The following ST6GALNAC3 variants were observed in gnomAD, a reference collection of about 807,000 sequenced individuals.
ST6GALNAC3 encodes ST6 N-acetylgalactosaminide alpha-2,6-sialyltransferase 3.
A neutral mutation model predicts 32.7 loss-of-function variants in ST6GALNAC3; 25 were observed. The ratio of observed to expected loss-of-function variants is 0.76; its 90% confidence interval spans 0.56 to 1.07. The LOEUF (loss-of-function observed/expected upper bound fraction) is 1.07. Among genes scored for constraint, ST6GALNAC3 ranks in the 50% least tolerant of loss-of-function variants. The pLI, the probability that ST6GALNAC3 is intolerant of heterozygous loss-of-function variation, is 0.00. For synonymous variants in ST6GALNAC3, 129 were observed against 133.1 expected, an observed-to-expected ratio of 0.97 and a Z score of 0.21; for missense variants, 355 against 382.4, an observed-to-expected ratio of 0.93 and a Z score of 0.60.
chr1:76,135,718 G>GTGACA (rs1420438679), intron 1 of ST6GALNAC3, among the ~76,000 whole-genome samples: 1 of 152,170 alleles, frequency 6.6e-6, no homozygotes, highest in Non-Finnish European at 1.5e-5. Flanking sequence ...CCCAAGATAG[G>GTGACA]ATTTCTCCTT....
At chr1:76,371,732 G>A (rs998910940) in intron 2 of ST6GALNAC3, among the ~76,000 whole-genome samples, 1 of 152,190 alleles carries the variant, frequency 6.6e-6, no homozygotes, top group Admixed American at 6.5e-5. Flanking sequence ...AAGCAGCAAT[G>A]TGGCCATCCC....
chr1:76,565,777 C>A (rs1358868274), intron 3 of ST6GALNAC3, among the ~76,000 whole-genome samples: 1 of 152,200 alleles, frequency 6.6e-6, no homozygotes, highest in African/African-American at 2.4e-5. Context: ...CCCCCTGCCG[C>A]TGCAGTCCTA....
chr1:76,588,665 C>G (rs1474564215), intron 3 of ST6GALNAC3, among the ~76,000 whole-genome samples: 1 of 152,186 alleles, frequency 6.6e-6, no homozygotes, highest in Non-Finnish European at 1.5e-5. Context: ...ATCACGGGTA[C>G]TAGCAGAAAA....
chr1:76,281,467 G>C (rs1336106909), intron 1 of ST6GALNAC3, among the ~76,000 whole-genome samples: 1 of 152,228 alleles, frequency 6.6e-6, no homozygotes, highest in Non-Finnish European at 1.5e-5. Flanking sequence ...TGGGGAGTGT[G>C]TGGGTAGCTC....
intron 1 of ST6GALNAC3, among the ~76,000 whole-genome samples, chr1:76,120,855 C>T (rs1440191869): frequency 6.6e-6 from 1 of 152,210 alleles, no homozygotes; most frequent in Non-Finnish European, 1.5e-5. Context: ...TATGATTTCA[C>T]ACTTCTGGAG....
rs796479490 is a variant in ST6GALNAC3 at position 76,405,950 on chromosome 1, C to T, written c.214-6058C>T. On this transcript the variant is annotated intron_variant, in intron 2 of 4. Coordinates refer to ENST00000328299, the MANE Select transcript of ST6GALNAC3 (RefSeq NM_152996.4). ...AAGAGTTAAGAATATCTACACTTTC[C>T]CCCCACCCTACAGTATCAGAGAACA... 5.3e-5 allele frequency among the ~76,000 whole-genome samples: 8 copies of T among 151,936 alleles called. 1 individual carries two copies. The highest frequency in any genetic ancestry group is 1.7e-4 in the African/African-American group (7 of 41,468).
chr1:76,626,288 A>C (rs142384857), intron 3 of ST6GALNAC3, among the ~76,000 whole-genome samples: 5 of 152,024 alleles, frequency 3.3e-5, no homozygotes, highest in African/African-American at 1.2e-4. Flanking sequence ...CAAGAAGTCT[A>C]TATGGAAGAT....
intron 1 of ST6GALNAC3, among the ~76,000 whole-genome samples, chr1:76,224,069 A>G (rs1245438324): frequency 6.6e-6 from 1 of 152,134 alleles, no homozygotes; most frequent in Non-Finnish European, 1.5e-5. Flanking sequence ...GACTCACCCC[A>G]CACTGACCTA....
intron 3 of ST6GALNAC3, among the ~76,000 whole-genome samples, chr1:76,416,448 T>C (rs1654630309): frequency 6.6e-6 from 1 of 152,022 alleles, no homozygotes; most frequent in African/African-American, 2.4e-5. Flanking sequence ...ATTTATAGAA[T>C]TAAAAATATG....
chr1:76,115,005 A>G (rs2100818766), intron 1 of ST6GALNAC3, among the ~76,000 whole-genome samples: 1 of 152,238 alleles, frequency 6.6e-6, no homozygotes, highest in South Asian at 2.1e-4. Context: ...TATCATAAAG[A>G]GAGTCCAAAG....
intron 2 of ST6GALNAC3, among the ~76,000 whole-genome samples, chr1:76,332,252 CACTAATCT>C (rs1647201552): frequency 6.6e-6 from 1 of 152,190 alleles, no homozygotes; most frequent in African/African-American, 2.4e-5. Flanking sequence ...GGGGTTTCAT[CACTAATCT>C]GCCAACAACT....
At chr1:76,537,349 C>G (rs1480346036) in intron 3 of ST6GALNAC3, among the ~76,000 whole-genome samples, 1 of 152,136 alleles carries the variant, frequency 6.6e-6, no homozygotes, top group Non-Finnish European at 1.5e-5. Flanking sequence ...ATTTATAGTA[C>G]TAAATGCCCA....
intron 1 of ST6GALNAC3, among the ~76,000 whole-genome samples, chr1:76,110,120 G>A (rs930305594): frequency 6.6e-6 from 1 of 152,198 alleles, no homozygotes; most frequent in African/African-American, 2.4e-5. Context: ...TCTGCCCAAA[G>A]GGCTCATTCA....
At chr1:76,458,939 A>T (rs1012941208) in intron 3 of ST6GALNAC3, among the ~76,000 whole-genome samples, 1 of 152,118 alleles carries the variant, frequency 6.6e-6, no homozygotes, top group East Asian at 1.9e-4. Flanking sequence ...TAAAAAAAAA[A>T]GTTCACATGA....
At chr1:76,484,281 G>C (rs1464713675) in intron 3 of ST6GALNAC3, among the ~76,000 whole-genome samples, 1 of 152,126 alleles carries the variant, frequency 6.6e-6, no homozygotes, top group Non-Finnish European at 1.5e-5. Flanking sequence ...AGCTTAATGG[G>C]GATGGCATTG....
intron 3 of ST6GALNAC3, among the ~76,000 whole-genome samples, chr1:76,515,453 A>G (rs910630353): frequency 2.1e-4 from 32 of 151,428 alleles, no homozygotes; most frequent in Non-Finnish European, 2.4e-4. Context: ...TCTTCTACCA[A>G]TTCTGGCTTA....
chr1:76,478,434 G>T (rs1219777131), intron 3 of ST6GALNAC3, among the ~76,000 whole-genome samples: 1 of 152,066 alleles, frequency 6.6e-6, no homozygotes, highest in Non-Finnish European at 1.5e-5. Context: ...GATTTCTGTT[G>T]ACTCCCAGAT....
intron 1 of ST6GALNAC3, among the ~76,000 whole-genome samples, chr1:76,270,772 G>A (rs547729583): frequency 1.3e-5 from 2 of 152,228 alleles, no homozygotes; most frequent in African/African-American, 2.4e-5. Flanking sequence ...TCAGTAAGAC[G>A]GGTCACCTCT....
At chr1:76,511,017 A>G (rs1661822103) in intron 3 of ST6GALNAC3, among the ~76,000 whole-genome samples, 1 of 152,180 alleles carries the variant, frequency 6.6e-6, no homozygotes, top group African/African-American at 2.4e-5. Context: ...TTTAATCCTC[A>G]TAACCCAAGC....
Sources: allele counts gnomAD v4.1 joint callset (sites outside exome capture counted in the v4.1 genomes callset), GRCh38; gene constraint gnomAD v4.1.1; transcripts MANE v1.5; gene names NCBI Gene and HGNC (gene_info 2026-07-23, HGNC 2026-07-21).